Variants in ANGEL2 observed in about 807,000 individuals in gnomAD.
ANGEL2 encodes RNA 2',3'-cyclic phosphatase ANGEL2.
Under a neutral mutation model 66.0 loss-of-function variants are expected in ANGEL2, and 41 were observed. The observed-to-expected ratio is 0.62, with a 90% CI of 0.48 to 0.81. The LOEUF is 0.81. ANGEL2 is among the 30% of genes least tolerant of loss of function. The pLI is 0.00. For synonymous variants in ANGEL2, 208 were observed against 226.5 expected (o/e 0.92, Z 0.73); for missense variants, 561 against 641.6 (o/e 0.87, Z 1.36).
Position 213,005,188 on chromosome 1 carries a change from T to C in ANGEL2, c.979A>G (p.Met327Val), listed in dbSNP as rs2076288688. 3 of 1,614,126 alleles carry C rather than the reference T, an allele frequency of 1.9e-6. No individual in the cohort carries two copies. Among genetic ancestry groups the C allele is most frequent in the African/African-American group, 1.3e-5 (1 of 74,962 alleles). Residue 327 changes from methionine (M) to valine (V), a missense_variant, in exon 5 of 9, where the codon ATG becomes GTG. Met to Val is a conservative substitution (Grantham distance 21). Transcript: ENST00000366962. Reference protein sequence around the residue: ...RGDIKLTQLAMLLAEISSVAH... With the variant: ...RGDIKLTQLAVLLAEISSVAH... The stretch of plus-strand genomic sequence containing the variant: ...ACACTGGAAATCTCTGCCAGTAGCA[T>C]TGCCAATTGCGTCAGCTTAATATCA...
intron 5 of ANGEL2, chr1:213,002,145 A>G (rs1383931945): frequency 1.3e-5 from 2 of 152,384 alleles, no homozygotes; most frequent in African/African-American, 4.8e-5. Context: ...TATGAAATGT[A>G]TTTCTTAAAT....
rs1195102956 is a variant in ANGEL2, at chr1:213,002,886, C to T, written c.1135-1974G>A. On this transcript the variant is annotated intron_variant, in intron 5 of 8. Coordinates refer to ENST00000366962, the MANE Select transcript of ANGEL2 (RefSeq NM_144567.5). ...TGAACCGAGATCGTGTCACTGCAGT[C>T]CAGCCTGGGCAACAGCGCGAGATCC... Among the ~76,000 whole-genome samples, 19 of 150,652 alleles carry T rather than the reference C, an allele frequency of 1.3e-4. No homozygotes were observed. In the Admixed American group the frequency reaches 1.3e-3, roughly 10 times the overall value.
At position 213,013,410 on chromosome 1, in the gene ANGEL2, A is replaced by G. The variant is rs1190208936; in HGVS notation, c.68T>C (p.Met23Thr). 2 of 1,611,656 alleles carry G rather than the reference A, an allele frequency of 1.2e-6. No homozygotes were observed. Among genetic ancestry groups the G allele is most frequent in the South Asian group, 1.1e-5 (1 of 90,894 alleles). ...CAGACTCCTCGAGTGATGGGGAAAC[A>G]TGGGGTATCTAAAAGAAATAAATAC... The part of the protein sequence containing the change: ...HCVVGRGRYP[M>T]FPHHSRSLGR... The change falls in exon 2 of 9, where the codon ATG (methionine) becomes ACG (threonine). Residue 23 changes from methionine (M) to threonine (T), a missense_variant. Coordinates refer to ENST00000366962, the MANE Select transcript of ANGEL2 (RefSeq NM_144567.5).
chr1:213,007,628 G>A (rs1201503273), intron 3 of ANGEL2, among the ~76,000 whole-genome samples: 1 of 152,120 alleles, frequency 6.6e-6, no homozygotes, highest in African/African-American at 2.4e-5. Context: ...TATGTTGCCA[G>A]TTTCTGTCTC....
Position 212,994,929 on chromosome 1 carries a change from G to T in ANGEL2, c.*112C>A. 1.0e-6 allele frequency: 1 copy of T among 964,032 alleles called. No homozygotes were observed. The highest frequency in any genetic ancestry group is 1.4e-6 in the Non-Finnish European group (1 of 717,210). 59.7% of individuals were successfully genotyped at this position (964,032 alleles called of 1,614,324 possible). On this transcript the variant is annotated 3_prime_UTR_variant, in exon 9 of 9. Transcript: ENST00000366962. ...GAGTTTCAAAGCATCTAACATAACC[G>T]CTTCAGAATCTCCACAGTGCAAAAA...
intron 4 of ANGEL2, among the ~76,000 whole-genome samples, chr1:213,006,246 G>T (rs1455687551): frequency 6.6e-6 from 1 of 152,056 alleles, no homozygotes; most frequent in African/African-American, 2.4e-5. Flanking sequence ...CGGATCACGA[G>T]GTCAGGAGAT....
Position 212,994,970 on chromosome 1 carries a change from C to T in ANGEL2, c.*71G>A. 7.1e-7 allele frequency: 1 copy of T among 1,404,282 alleles called. No individual in the cohort carries two copies. The highest frequency in any genetic ancestry group is 9.4e-7 in the Non-Finnish European group (1 of 1,059,892). The allele number at this position is 1,404,282 out of a possible 1,614,324, so 87.0% of individuals were successfully genotyped here. ...AGTGCAAAAATAAACAACATGCATA[C>T]ACTTAAGAACTTTACATTCTTTGAA... On this transcript the variant is annotated 3_prime_UTR_variant, in exon 9 of 9. Transcript: ENST00000366962.
intron 5 of ANGEL2, chr1:213,001,206 T>C (rs1412427828): frequency 3.1e-6 from 1 of 318,832 alleles, no homozygotes; most frequent in Non-Finnish European, 5.8e-6. Flanking sequence ...TTTTACTACC[T>C]GCAATATAGT....
Position 213,008,287 on chromosome 1 carries a change from G to A in ANGEL2, c.565C>T (p.His189Tyr). ...CAGTGTAATACTGGCCGCCGGCAAT[G>A]TCTATAAAGGTGAGAGTTATCTTCC... ...LLEDNSHLYR[H>Y]CRRPVLHWSF... The change falls in exon 3 of 9, where the codon CAT (histidine) becomes TAT (tyrosine). Residue 189 changes from histidine to tyrosine, a missense_variant. Physicochemically the swap from His to Tyr is moderately conservative, Grantham distance 83. Coordinates refer to ENST00000366962, the MANE Select transcript of ANGEL2 (RefSeq NM_144567.5). The A allele has an allele frequency of 6.2e-7, 1 of 1,614,098 alleles. No homozygotes were observed. Among genetic ancestry groups the A allele is most frequent in the Non-Finnish European group, 8.5e-7 (1 of 1,179,910 alleles).
intron 1 of ANGEL2, 63 bp downstream of exon 1, chr1:213,015,550 C>A: frequency 6.3e-7 from 1 of 1,597,658 alleles, no homozygotes; most frequent in Non-Finnish European, 8.5e-7. Flanking sequence ...GTCCCGGACG[C>A]CCGCCCGCTC....
chr1:212,996,795 C>G (rs2076037357), intron 8 of ANGEL2, among the ~76,000 whole-genome samples: 1 of 151,272 alleles, frequency 6.6e-6, no homozygotes, highest in African/African-American at 2.4e-5. Context: ...AAGCACAAAA[C>G]TATGATGACC....
At position 213,005,372 on chromosome 1, in the gene ANGEL2, G is replaced by C. The variant is rs778546219; in HGVS notation, c.795C>G (p.Leu265=). The change falls in exon 5 of 9, where the codon CTC becomes CTG. Residue 265 remains leucine (L), a synonymous_variant. Coordinates refer to ENST00000366962, the MANE Select transcript of ANGEL2 (RefSeq NM_144567.5). ...AGAATTCCACTGGGTTCACTGACAA[G>C]AGTGAAAATTTGGAATGTTTGAAGC... ...AICFKHSKFS[L]LSVNPVEFFR... 2 of 1,614,078 alleles carry C rather than the reference G, an allele frequency of 1.2e-6. No individual in the cohort carries two copies. The highest frequency in any genetic ancestry group is 2.7e-5 in the African/African-American group (2 of 74,936).
At chr1:212,998,192 A>G (rs1300550122) in intron 7 of ANGEL2, among the ~76,000 whole-genome samples, 1 of 151,416 alleles carries the variant, frequency 6.6e-6, no homozygotes, top group Non-Finnish European at 1.5e-5. Flanking sequence ...GGAGCTCGAG[A>G]CCAGCCTGGG....
At chr1:212,998,520 CTTTTT>C (rs549600424) in intron 7 of ANGEL2, among the ~76,000 whole-genome samples, 5 of 135,060 alleles carry the variant, frequency 3.7e-5, no homozygotes, top group African/African-American at 5.5e-5. Context: ...AAAAAAGTAT[CTTTTT>C]TTTTTTTTTT....
rs1197374622 is a variant in ANGEL2 at position 213,015,785 on chromosome 1, C to G, written c.-114G>C. On this transcript the variant is annotated 5_prime_UTR_variant, in exon 1 of 9. Transcript: ENST00000366962. ...CCCCATCACTCTTAAGTACCGACTC[C>G]AGTCCTGGCTGCAAGGCATGCTGGG... 1 of 1,419,936 alleles carries G rather than the reference C, an allele frequency of 7.0e-7. No homozygotes were observed. The allele number at this position is 1,419,936 out of a possible 1,614,324, so 88.0% of individuals were successfully genotyped here.
rs1443025538 is a variant in ANGEL2, at chr1:212,994,551, C to G, written c.*490G>C. 6.6e-6 allele frequency: 1 copy of G among 152,290 alleles called. No individual in the cohort carries two copies. The highest frequency in any genetic ancestry group is 1.5e-5 in the Non-Finnish European group (1 of 68,160). The allele number at this position is 152,290 out of a possible 1,614,324, so 9.4% of individuals were successfully genotyped here. ...CCTTCAAAAACAAACTAAACAATGG[C>G]TGGTTGGATACCTGTGAATGACCCA... On this transcript the variant is annotated 3_prime_UTR_variant, in exon 9 of 9. Transcript: ENST00000366962.
In ANGEL2 at chr1:213,005,345, GAAGA is replaced by G; in HGVS notation, c.818_821del (p.Phe273SerfsTer15). On this transcript the variant is annotated frameshift_variant, in exon 5 of 9. Transcript: ENST00000366962. LOFTEE classifies it high-confidence loss of function. ...TGTCCAACAGAGAAATATCAGGGCG[GAAGA>G]ATTCCACTGGGTTCACTGACAAGAG... 6.2e-7 allele frequency: 1 copy of G among 1,614,196 alleles called. No individual in the cohort carries two copies. Among genetic ancestry groups the G allele is most frequent in the Non-Finnish European group, 8.5e-7 (1 of 1,180,024 alleles).
At chr1:212,999,140 G>A (rs894838467) in intron 7 of ANGEL2, among the ~76,000 whole-genome samples, 4 of 151,944 alleles carry the variant, frequency 2.6e-5, no homozygotes, top group Admixed American at 6.6e-5. Context: ...CCAAAGTGCC[G>A]AGATTACAGG....
Position 213,000,582 on chromosome 1 carries a change from G to A in ANGEL2, c.1262-199C>T, listed in dbSNP as rs2076150195. 14 of 746,020 alleles carry A rather than the reference G, an allele frequency of 1.9e-5. 1 individual carries two copies. The highest frequency in any genetic ancestry group is 2.6e-5 in the Non-Finnish European group (13 of 491,072). 46.2% of individuals were successfully genotyped at this position (746,020 alleles called of 1,614,324 possible). A position where few individuals can be genotyped will look rare whatever the true frequency, so the allele number is the denominator to read the frequency against. On this transcript the variant is annotated intron_variant, in intron 6 of 8. Transcript: ENST00000366962. ...AATGCAAACAATTCCAAAGCAACAT[G>A]CAAGTAAATCATGCACAGATAATTC...
Sources: gnomAD v4.1 joint callset for allele counts (sites outside exome capture counted in the v4.1 genomes callset) on GRCh38, gnomAD v4.1.1 for gene constraint, MANE v1.5 for transcripts, NCBI Gene and HGNC (gene_info 2026-07-23, HGNC 2026-07-21) for gene names.